The following PPFIBP1 variants were observed in gnomAD, a reference collection of about 807,000 sequenced individuals.
PPFIBP1 encodes liprin-beta-1.
A neutral mutation model predicts 137.8 loss-of-function variants in PPFIBP1; 112 were observed. The observed-to-expected ratio is 0.81, with a 90% CI of 0.70 to 0.95. PPFIBP1 has a LOEUF of 0.95. PPFIBP1 is among the 40% of genes least tolerant of loss of function. PPFIBP1 has a pLI of 0.00. For synonymous variants in PPFIBP1, 378 were observed against 417.3 expected, an observed-to-expected ratio of 0.91 and a Z score of 1.15; for missense variants, 1,083 against 1,196.6, an observed-to-expected ratio of 0.91 and a Z score of 1.40.
chr12:27,632,611 A>G (rs1283809842), intron 2 of PPFIBP1, among the ~76,000 whole-genome samples: 14 of 152,218 alleles, frequency 9.2e-5, no homozygotes, highest in Admixed American at 7.2e-4. Flanking sequence ...ATTATGTATT[A>G]TAGTGGAAGT....
At chr12:27,652,300 G>T (rs192240105) in intron 7 of PPFIBP1, among the ~76,000 whole-genome samples, 300 of 152,260 alleles carry the variant, frequency 2.0e-3, no homozygotes, top group African/African-American at 6.9e-3. Flanking sequence ...GAAGATTCAG[G>T]ACTTGTCCCT....
intron 2 of PPFIBP1, among the ~76,000 whole-genome samples, chr12:27,616,700 G>C (rs368330167): frequency 6.6e-6 from 1 of 152,184 alleles, no homozygotes; most frequent in Admixed American, 6.5e-5. Context: ...ATAAAAGGGC[G>C]GAGACTCTTC....
intron 2 of PPFIBP1, chr12:27,599,394 A>G (rs2053705277): frequency 4.4e-6 from 2 of 452,980 alleles, no homozygotes; most frequent in Admixed American, 4.7e-5. Context: ...AAGCCTTCAG[A>G]CTCAGACTGG....
chr12:27,597,689 A>G (rs925084116), intron 2 of PPFIBP1, among the ~76,000 whole-genome samples: 22 of 152,240 alleles, frequency 1.4e-4, no homozygotes, highest in African/African-American at 1.7e-4. Context: ...AACATTTAAG[A>G]AAAAAATGAT....
rs1223502231 is a variant in PPFIBP1 at position 27,598,556 on chromosome 12, G to C, written c.-36+20317G>C. On this transcript the variant is annotated intron_variant, in intron 2 of 29. Coordinates refer to ENST00000228425, the MANE Select transcript of PPFIBP1 (RefSeq NM_003622.4). ...CTATAATCTGTGTGTGTGTGTGTGT[G>C]TGTGTGTGTGTGTGTGTGTGTACAC... Among the ~76,000 whole-genome samples, 5 of 149,762 alleles carry C rather than the reference G, an allele frequency of 3.3e-5. No individual in the cohort carries two copies. In the East Asian group the frequency reaches 9.8e-4, roughly 29 times the overall value.
chr12:27,664,278 C>G (rs1470708968), intron 11 of PPFIBP1, 84 bp from the exon 12 acceptor site: 8 of 868,404 alleles, frequency 9.2e-6, no homozygotes, highest in Non-Finnish European at 1.5e-5. Flanking sequence ...TATGTAATTA[C>G]TATTCTTTAT....
intron 2 of PPFIBP1, among the ~76,000 whole-genome samples, chr12:27,597,043 A>G (rs1166586400): frequency 2.0e-5 from 3 of 152,222 alleles, no homozygotes; most frequent in Non-Finnish European, 4.4e-5. Flanking sequence ...GTTTCTTGGA[A>G]GAAAATCCGT....
chr12:27,577,122 C>A (rs2050634849), intron 1 of PPFIBP1, among the ~76,000 whole-genome samples: 1 of 151,998 alleles, frequency 6.6e-6, no homozygotes, highest in Non-Finnish European at 1.5e-5. Flanking sequence ...TGAGAAATTC[C>A]ACGATGAAAA....
intron 21 of PPFIBP1, 150 bp from the exon 22 acceptor site, chr12:27,681,396 C>T: frequency 2.6e-6 from 2 of 778,604 alleles, no homozygotes; most frequent in Middle Eastern, 3.8e-4. Context: ...GTTGTTCCTC[C>T]AATGTATACT....
At chr12:27,525,155 A>G (rs1943582774) in intron 1 of PPFIBP1, among the ~76,000 whole-genome samples, 1 of 152,124 alleles carries the variant, frequency 6.6e-6, no homozygotes, top group African/African-American at 2.4e-5. Flanking sequence ...GGCGTGGCAT[A>G]TAAACTCTTA....
intron 5 of PPFIBP1, among the ~76,000 whole-genome samples, 159 bp from the exon 6 acceptor site, chr12:27,647,570 T>C (rs7959186): frequency 0.5 from 75,734 of 151,966 alleles, 19,197 homozygotes; most frequent in African/African-American, 0.52. Context: ...AATAGGAATG[T>C]GAGGGACCAC....
Position 27,687,526 on chromosome 12 carries a change from G to T in PPFIBP1, c.2370+19G>T. On this transcript the variant is annotated intron_variant, in intron 25 of 29. Transcript: ENST00000228425. ...TGATGAGGTAGTGTTTTAAGATTGA[G>T]GTTTATAAGCATGCACTTCCCAGGC... The T allele has an allele frequency of 6.2e-7, 1 of 1,611,940 alleles. No individual in the cohort carries two copies. The highest frequency in any genetic ancestry group is 8.5e-7 in the Non-Finnish European group (1 of 1,178,854).
At chr12:27,658,083 G>A (rs986771400) in intron 9 of PPFIBP1, among the ~76,000 whole-genome samples, 2 of 150,624 alleles carry the variant, frequency 1.3e-5, no homozygotes, top group Non-Finnish European at 1.5e-5. Context: ...GCTGTAGTGA[G>A]CTATGACTGT....
At chr12:27,610,276 C>T (rs1046178364) in intron 2 of PPFIBP1, among the ~76,000 whole-genome samples, 1 of 152,180 alleles carries the variant, frequency 6.6e-6, no homozygotes, top group Admixed American at 6.5e-5. Context: ...AAAGCTTTTA[C>T]CATGAGGCTG....
chr12:27,578,722 A>G (rs2050789789), intron 2 of PPFIBP1, among the ~76,000 whole-genome samples: 1 of 152,208 alleles, frequency 6.6e-6, no homozygotes, highest in African/African-American at 2.4e-5. Context: ...AATAACTACT[A>G]TTTATTGAGC....
At chr12:27,570,880 T>C (rs773977684) in intron 1 of PPFIBP1, among the ~76,000 whole-genome samples, 1 of 152,046 alleles carries the variant, frequency 6.6e-6, no homozygotes, top group Non-Finnish European at 1.5e-5. Context: ...ACCACTGCAC[T>C]CTAGCCTGGG....
At chr12:27,566,372 A>G (rs546175408) in intron 1 of PPFIBP1, among the ~76,000 whole-genome samples, 1 of 150,910 alleles carries the variant, frequency 6.6e-6, no homozygotes, top group Non-Finnish European at 1.5e-5. Flanking sequence ...AGCTGACTCC[A>G]CCTGCTGTTC....
At chr12:27,609,442 C>A (rs2054858556) in intron 2 of PPFIBP1, among the ~76,000 whole-genome samples, 1 of 152,188 alleles carries the variant, frequency 6.6e-6, no homozygotes, top group Admixed American at 6.5e-5. Flanking sequence ...TCCCATCAGT[C>A]CCATCTCCTA....
At chr12:27,628,100 A>G (rs2056980626) in intron 2 of PPFIBP1, among the ~76,000 whole-genome samples, 1 of 152,168 alleles carries the variant, frequency 6.6e-6, no homozygotes, top group Non-Finnish European at 1.5e-5. Context: ...CATTCAAAGA[A>G]GCATATATTA....
Sources: allele counts gnomAD v4.1 joint callset (sites outside exome capture counted in the v4.1 genomes callset), GRCh38; gene constraint gnomAD v4.1.1; transcripts MANE v1.5; gene names NCBI Gene and HGNC (gene_info 2026-07-23, HGNC 2026-07-21).